The following SCUBE1 variants were observed in gnomAD, a reference collection of about 807,000 sequenced individuals.
The protein encoded by SCUBE1 is signal peptide, CUB domain and EGF like domain containing 1.
SCUBE1 carries 59 observed loss-of-function variants against 124.4 expected under a neutral mutation model. The ratio of observed to expected loss-of-function variants is 0.47; its 90% CI spans 0.38 to 0.59. SCUBE1 has a LOEUF of 0.59. Among genes scored for constraint, SCUBE1 ranks in the 20% least tolerant of loss-of-function variants. The pLI is 0.00. For synonymous variants in SCUBE1, 545 were observed against 550.9 expected (o/e 0.99, Z 0.15); for missense variants, 1,150 against 1,371.2 (o/e 0.84, Z 2.55).
rs1248023320 is a variant in SCUBE1, at chr22:43,234,063, C to T, written c.845-2188G>A. 2.0e-5 allele frequency among the ~76,000 whole-genome samples: 3 copies of T among 152,068 alleles called. No individual in the cohort carries two copies. The highest frequency in any genetic ancestry group is 1.9e-4 in the East Asian group (1 of 5,186). On this transcript the variant is annotated intron_variant, in intron 7 of 21. Coordinates refer to ENST00000360835, the MANE Select transcript of SCUBE1 (RefSeq NM_173050.5). This position sits in a 1 kb window ranked among gnomAD's most constrained non-coding sequence, Gnocchi z 4.4. ...AAGACGGGCCTGCTGCAGCACATCA[C>T]GCTGGCCCTGCAGCCACCAAGAAAG...
chr22:43,297,851 G>A (rs914195325), intron 3 of SCUBE1, among the ~76,000 whole-genome samples: 5 of 152,208 alleles, frequency 3.3e-5, no homozygotes, highest in Non-Finnish European at 5.9e-5. Context: ...CAGAGACTCC[G>A]TGTTCTGCTT....
At chr22:43,218,882 C>T (rs1049837895) in intron 14 of SCUBE1, among the ~76,000 whole-genome samples, 2 of 152,226 alleles carry the variant, frequency 1.3e-5, no homozygotes, top group African/African-American at 4.8e-5. Context: ...TCCACTCTGA[C>T]ACTCCCTGTG....
chr22:43,326,466 C>T (rs1303102470), intron 2 of SCUBE1, among the ~76,000 whole-genome samples: 1 of 152,034 alleles, frequency 6.6e-6, no homozygotes, highest in African/African-American at 2.4e-5. Context: ...GGATTAAGCC[C>T]CTGTCTCCGG....
intron 1 of SCUBE1, 49 bp downstream of exon 1, chr22:43,343,125 C>A (rs1036369655): frequency 2.0e-6 from 2 of 987,710 alleles, no homozygotes; most frequent in South Asian, 4.7e-5. Flanking sequence ...GCGCCTCGGC[C>A]GCCCGAGCCC....
intron 2 of SCUBE1, among the ~76,000 whole-genome samples, chr22:43,325,916 C>T (rs1005143368): frequency 6.6e-6 from 1 of 151,722 alleles, no homozygotes; most frequent in African/African-American, 2.4e-5. Context: ...GGTTTGGAAC[C>T]CATATAGGGT....
chr22:43,218,638 G>A (rs932295231), intron 14 of SCUBE1, among the ~76,000 whole-genome samples, 180 bp from the exon 15 acceptor site: 6 of 152,222 alleles, frequency 3.9e-5, no homozygotes, highest in African/African-American at 1.4e-4. Flanking sequence ...AGGAGGCTGC[G>A]GACCTGGGAG....
rs754642245 is a variant in SCUBE1, at chr22:43,218,394, G to C, written c.1752C>G (p.Thr584=). ...AEQSLQAAIK[T]LRKSIGRQQF... ...GCTGCCGGCCGATGGACTTGCGCAG[G>C]GTCTTGATGGCGGCCTGCAGGCTCT... Residue 584 remains threonine, a synonymous_variant, in exon 15 of 22, where the codon ACC becomes ACG. Coordinates refer to ENST00000360835, the MANE Select transcript of SCUBE1 (RefSeq NM_173050.5). 33 of 1,613,344 alleles carry C rather than the reference G, an allele frequency of 2.0e-5. No homozygotes were observed. Among genetic ancestry groups the C allele is most frequent in the Non-Finnish European group, 2.4e-5 (28 of 1,180,052 alleles).
At chr22:43,263,213 C>G (rs988061237) in intron 4 of SCUBE1, among the ~76,000 whole-genome samples, 5 of 152,198 alleles carry the variant, frequency 3.3e-5, no homozygotes, top group African/African-American at 1.2e-4. Flanking sequence ...CTCTCCCGAG[C>G]CACCCATGGT....
At chr22:43,272,818 C>T (rs6003133) in intron 4 of SCUBE1, among the ~76,000 whole-genome samples, 2,320 of 152,330 alleles carry the variant, frequency 0.015, 62 homozygotes, top group African/African-American at 0.053. Flanking sequence ...AACTGGAAGG[C>T]GCCTTGGAGA....
Position 43,339,177 on chromosome 22 carries a change from G to A in SCUBE1, c.147C>T (p.Ile49=). 1 of 1,613,922 alleles carries A rather than the reference G, an allele frequency of 6.2e-7. No homozygotes were observed. The highest frequency in any genetic ancestry group is 8.5e-7 in the Non-Finnish European group (1 of 1,179,838). Residue 49 remains isoleucine (I), a synonymous_variant, in exon 2 of 22, where the codon ATC becomes ATT. Transcript: ENST00000360835. ...EGTDDCHIDA[I]CQNTPKSYKC... is the part of the protein sequence containing the mutation. ...TGTAGGACTTGGGCGTGTTCTGACAGATGGCATCGATGTGGCAGTCATCTG... is the reference window on the plus strand; with the variant it reads ...TGTAGGACTTGGGCGTGTTCTGACAAATGGCATCGATGTGGCAGTCATCTG...
intron 3 of SCUBE1, among the ~76,000 whole-genome samples, chr22:43,291,671 C>T (rs1021879809): frequency 5.3e-5 from 8 of 152,174 alleles, no homozygotes; most frequent in Non-Finnish European, 1.2e-4. Context: ...AGCGGGACTC[C>T]ATGGTGATGC....
rs563073957 is a variant in SCUBE1 at position 43,309,911 on chromosome 22, G to A, written c.349+10026C>T. Among the ~76,000 whole-genome samples, 9 of 152,178 alleles carry A rather than the reference G, an allele frequency of 5.9e-5. No individual in the cohort carries two copies. The South Asian group carries it at 1.0e-3, about 18-fold the overall frequency. Reference sequence around the variant, plus strand: ...CACTTCTCCCACTGTCACCCTGAACGAAGCCACCAACCGCTCTGACCCAGG... The same window carrying A: ...CACTTCTCCCACTGTCACCCTGAACAAAGCCACCAACCGCTCTGACCCAGG... On this transcript the variant is annotated intron_variant, in intron 3 of 21. Transcript: ENST00000360835.
chr22:43,209,634 C>T (rs559357971), intron 19 of SCUBE1, among the ~76,000 whole-genome samples: 1 of 152,192 alleles, frequency 6.6e-6, no homozygotes, highest in African/African-American at 2.4e-5. Flanking sequence ...GCCGTGTGGT[C>T]CCCCAAACCT....
At chr22:43,339,607 C>CACTCTATCCCCTACTCTCCTT in intron 1 of SCUBE1, among the ~76,000 whole-genome samples, 1 of 147,462 alleles carries the variant, frequency 6.8e-6, no homozygotes, top group African/African-American at 2.6e-5. Flanking sequence ...CTACTCTCCT[C>CACTCTATCCCCTACTCTCCTT]ACTCTATCCC....
intron 3 of SCUBE1, among the ~76,000 whole-genome samples, chr22:43,307,844 A>G (rs528420640): frequency 2.1e-4 from 32 of 152,354 alleles, no homozygotes; most frequent in Middle Eastern, 3.4e-3. Flanking sequence ...TGAGGCATAA[A>G]GAGGCAGGGC....
At chr22:43,300,917 C>G (rs529599043) in intron 3 of SCUBE1, among the ~76,000 whole-genome samples, 1 of 152,296 alleles carries the variant, frequency 6.6e-6, no homozygotes. Context: ...GGTGCCTGCA[C>G]GTGGACATCC....
chr22:43,250,765 C>CA (rs1255376378), intron 6 of SCUBE1, among the ~76,000 whole-genome samples: 3 of 152,216 alleles, frequency 2.0e-5, no homozygotes, highest in Admixed American at 6.5e-5. Context: ...CCCTAGCCTG[C>CA]AGCTCAGGCC....
At chr22:43,205,814 T>A (rs1447267822) in intron 21 of SCUBE1, among the ~76,000 whole-genome samples, 1 of 10,530 alleles carries the variant, frequency 9.5e-5, no homozygotes, top group Non-Finnish European at 1.7e-4. Flanking sequence ...ACACACCCAC[T>A]CACCACTCAC....
chr22:43,307,805 T>A (rs939606837), intron 3 of SCUBE1, among the ~76,000 whole-genome samples: 19 of 152,228 alleles, frequency 1.2e-4, no homozygotes, highest in African/African-American at 4.1e-4. Flanking sequence ...TCAAATCCCA[T>A]CTTTTTATTT....
Sources: gnomAD v4.1 joint callset for allele counts (sites outside exome capture counted in the v4.1 genomes callset) on GRCh38, gnomAD v4.1.1 for gene constraint, Gnocchi (gnomAD v3.1) non-coding constraint, MANE v1.5 for transcripts, NCBI Gene and HGNC (gene_info 2026-07-23, HGNC 2026-07-21) for gene names.